GRID2: variants seen among roughly 807,000 people sequenced by gnomAD.
GRID2 encodes the protein glutamate ionotropic receptor delta type subunit 2.
A neutral mutation model predicts 114.8 loss-of-function variants in GRID2; 33 were observed. The observed-to-expected ratio is 0.29, with a 90% CI of 0.22 to 0.38. The LOEUF (loss-of-function observed/expected upper bound fraction) is 0.38, where lower values mean the gene tolerates loss of function less well. Ranked by LOEUF, GRID2 falls within the 10% of genes least tolerant of loss-of-function variation. GRID2 has a pLI of 1.00. For missense variants in GRID2, 1,184 were observed against 1,257.7 expected, an observed-to-expected ratio of 0.94 and a Z score of 0.89; for synonymous variants, 505 against 449.9, an observed-to-expected ratio of 1.12 and a Z score of -1.55.
chr4:92,425,286 T>C (rs192961307), intron 1 of GRID2, among the ~76,000 whole-genome samples: 1 of 152,118 alleles, frequency 6.6e-6, no homozygotes, highest in Admixed American at 6.6e-5. Flanking sequence ...CTGCATTATT[T>C]ATAGTACTTT....
chr4:92,836,953 A>T (rs1742503306), intron 2 of GRID2, among the ~76,000 whole-genome samples: 1 of 152,200 alleles, frequency 6.6e-6, no homozygotes. Context: ...TGCTTGAGGA[A>T]ATTTTAAAAT....
intron 4 of GRID2, among the ~76,000 whole-genome samples, chr4:93,137,547 A>T (rs2149382303): frequency 6.6e-6 from 1 of 152,314 alleles, no homozygotes; most frequent in South Asian, 2.1e-4. Flanking sequence ...GCAAGTAAAC[A>T]GAAAGAGGAT....
At chr4:92,954,137 A>C (rs1752218065) in intron 2 of GRID2, among the ~76,000 whole-genome samples, 1 of 152,150 alleles carries the variant, frequency 6.6e-6, no homozygotes, top group South Asian at 2.1e-4. Context: ...AGCACATTAA[A>C]AGATTTCTCA....
Position 92,906,777 on chromosome 4 carries a change from A to G in GRID2, c.245-178218A>G, listed in dbSNP as rs192013923. 4.1e-3 allele frequency among the ~76,000 whole-genome samples: 628 copies of G among 151,956 alleles called. 7 individuals are homozygous for G. The highest frequency in any genetic ancestry group is 0.014 in the African/African-American group (592 of 41,478). ...GGGACTACAGGCACCTCCATTAATA[A>G]CTACTAGGACTTTAAGCCTTTTCCC... On this transcript the variant is annotated intron_variant, in intron 2 of 15. Coordinates refer to ENST00000282020, the MANE Select transcript of GRID2 (RefSeq NM_001510.4).
intron 5 of GRID2, among the ~76,000 whole-genome samples, chr4:93,211,708 C>G (rs560086991): frequency 6.6e-6 from 1 of 152,260 alleles, no homozygotes; most frequent in East Asian, 1.9e-4. Context: ...TTTGGGCAAG[C>G]CACACTGCCT....
chr4:93,741,633 T>C, intron 14 of GRID2, among the ~76,000 whole-genome samples: 1 of 152,034 alleles, frequency 6.6e-6, no homozygotes, highest in African/African-American at 2.4e-5. Flanking sequence ...TTTGATGAAA[T>C]GTTAAAAGTG....
chr4:92,645,972 A>G (rs938598016), intron 2 of GRID2, among the ~76,000 whole-genome samples: 26 of 151,772 alleles, frequency 1.7e-4, no homozygotes, highest in African/African-American at 5.6e-4. Flanking sequence ...CTTGCAGTCA[A>G]ATGTCCTAGG....
intron 2 of GRID2, among the ~76,000 whole-genome samples, chr4:92,743,483 A>G (rs1578132940): frequency 6.6e-6 from 1 of 152,244 alleles, no homozygotes; most frequent in Admixed American, 6.5e-5. Flanking sequence ...TTGACAGCCA[A>G]TGCTATGTAA....
chr4:92,619,992 G>A (rs1235960149), intron 2 of GRID2, among the ~76,000 whole-genome samples: 1 of 151,528 alleles, frequency 6.6e-6, no homozygotes, highest in Non-Finnish European at 1.5e-5. Context: ...TGAATTATAG[G>A]CAATATATGA....
At chr4:92,964,673 G>A (rs1022142282) in intron 2 of GRID2, among the ~76,000 whole-genome samples, 1 of 151,956 alleles carries the variant, frequency 6.6e-6, no homozygotes, top group East Asian at 1.9e-4. Flanking sequence ...TTTACATTAT[G>A]GAGAAGACTT....
intron 2 of GRID2, among the ~76,000 whole-genome samples, chr4:92,856,228 G>A (rs557404289): frequency 4.6e-4 from 70 of 151,974 alleles, no homozygotes; most frequent in African/African-American, 1.6e-3. Context: ...CAATTTACAC[G>A]ACATATTTTT....
At chr4:93,557,880 CAA>C (rs1238989332) in intron 13 of GRID2, among the ~76,000 whole-genome samples, 5 of 152,278 alleles carry the variant, frequency 3.3e-5, no homozygotes, top group Admixed American at 6.5e-5. Flanking sequence ...GAAATCATAA[CAA>C]ACAGTCTCTC....
chr4:92,935,731 TG>T (rs1324749566), intron 2 of GRID2, among the ~76,000 whole-genome samples: 2 of 146,810 alleles, frequency 1.4e-5, no homozygotes, highest in African/African-American at 4.8e-5. Flanking sequence ...TCATGTCCTT[TG>T]TAGGGACATG....
intron 2 of GRID2, among the ~76,000 whole-genome samples, chr4:92,677,130 G>A (rs958559659): frequency 6.6e-6 from 1 of 152,120 alleles, no homozygotes; most frequent in African/African-American, 2.4e-5. Context: ...GGAGGTTGGG[G>A]AAATAATGTT....
At chr4:92,994,157 T>A (rs1484071019) in intron 2 of GRID2, among the ~76,000 whole-genome samples, 1 of 152,064 alleles carries the variant, frequency 6.6e-6, no homozygotes, top group East Asian at 1.9e-4. Context: ...TTAGAATAGA[T>A]GCAGAAATGG....
intron 2 of GRID2, among the ~76,000 whole-genome samples, chr4:93,049,427 C>T (rs1453845149): frequency 6.6e-6 from 1 of 151,598 alleles, no homozygotes; most frequent in Non-Finnish European, 1.5e-5. Flanking sequence ...TTTCTTTGTT[C>T]TTTTACTAAT....
chr4:92,572,019 G>T (rs1405991939), intron 1 of GRID2, among the ~76,000 whole-genome samples: 1 of 151,982 alleles, frequency 6.6e-6, no homozygotes, highest in African/African-American at 2.4e-5. Context: ...CAGAAAGCAA[G>T]AAATAACTAA....
At chr4:93,291,831 A>T (rs1753790809) in intron 8 of GRID2, among the ~76,000 whole-genome samples, 1 of 151,894 alleles carries the variant, frequency 6.6e-6, no homozygotes, top group African/African-American at 2.4e-5. Flanking sequence ...TGTAAACATG[A>T]TGTTTTGAAA....
At chr4:92,484,797 A>T (rs1168517689) in intron 1 of GRID2, among the ~76,000 whole-genome samples, 3 of 151,972 alleles carry the variant, frequency 2.0e-5, no homozygotes, top group Non-Finnish European at 4.4e-5. Context: ...ATGGAGTTGT[A>T]TATATTTGAT....
Sources: allele counts gnomAD v4.1 joint callset (sites outside exome capture counted in the v4.1 genomes callset), GRCh38; gene constraint gnomAD v4.1.1; transcripts MANE v1.5; gene names NCBI Gene and HGNC (gene_info 2026-07-23, HGNC 2026-07-21).